SLCO6A1: variants seen among roughly 807,000 people sequenced by gnomAD.
SLCO6A1 encodes the protein solute carrier organic anion transporter family member 6A1.
A neutral mutation model predicts 72.7 loss-of-function variants in SLCO6A1; 65 were observed. The ratio of observed to expected loss-of-function variants is 0.89; its 90% CI spans 0.73 to 1.10. The LOEUF is 1.10. SLCO6A1 is among the 50% of genes least tolerant of loss of function. The pLI is 0.00. For missense variants in SLCO6A1, 874 were observed against 872.6 expected, an observed-to-expected ratio of 1.00 and a Z score of -0.02; for synonymous variants, 314 against 298.2, an observed-to-expected ratio of 1.05 and a Z score of -0.55.
chr5:102,469,208 G>A (rs1751471551), intron 4 of SLCO6A1, among the ~76,000 whole-genome samples: 2 of 151,926 alleles, frequency 1.3e-5, no homozygotes, highest in African/African-American at 4.8e-5. Context: ...GCAAGTCATT[G>A]GCAGCTTGAT....
intron 12 of SLCO6A1, among the ~76,000 whole-genome samples, chr5:102,385,580 T>A (rs1267071269): frequency 6.6e-6 from 1 of 152,174 alleles, no homozygotes; most frequent in East Asian, 1.9e-4. Flanking sequence ...CTGTTTGATC[T>A]ACTCTGCAGT....
At chr5:102,475,648 G>A (rs1351881093) in intron 4 of SLCO6A1, 49 bp downstream of exon 4, 1 of 1,208,022 alleles carries the variant, frequency 8.3e-7, no homozygotes. Flanking sequence ...TAGCTATTTA[G>A]TAAGTATTTT....
intron 8 of SLCO6A1, among the ~76,000 whole-genome samples, chr5:102,418,144 T>C (rs1399004110): frequency 6.6e-6 from 1 of 152,138 alleles, no homozygotes; most frequent in Non-Finnish European, 1.5e-5. Flanking sequence ...CATTTGTTTC[T>C]GATAAAAATA....
intron 1 of SLCO6A1, among the ~76,000 whole-genome samples, chr5:102,497,912 G>A (rs1752978903): frequency 6.6e-6 from 1 of 152,134 alleles, no homozygotes; most frequent in South Asian, 2.1e-4. Context: ...TGCTCCTGGG[G>A]AAAACATCAT....
intron 6 of SLCO6A1, among the ~76,000 whole-genome samples, chr5:102,448,666 T>A (rs1750249359): frequency 6.6e-6 from 1 of 152,184 alleles, no homozygotes; most frequent in Admixed American, 6.6e-5. Context: ...TTAAAGTTGG[T>A]TTCGTCTGAA....
At chr5:102,412,915 G>C (rs1454193537) in intron 9 of SLCO6A1, 75 bp downstream of exon 9, 6 of 613,134 alleles carry the variant, frequency 9.8e-6, no homozygotes, top group Non-Finnish European at 1.4e-5. Flanking sequence ...AGAGGAAGAA[G>C]CATAAAAATA....
intron 1 of SLCO6A1, among the ~76,000 whole-genome samples, chr5:102,488,623 GAGA>G (rs1310004400): frequency 6.6e-6 from 1 of 151,854 alleles, no homozygotes; most frequent in Non-Finnish European, 1.5e-5. Flanking sequence ...CAAGATTCAG[GAGA>G]AGAAGAAAAC....
In SLCO6A1 at chr5:102,498,645, C is replaced by A; in HGVS notation, c.200G>T (p.Arg67Met). The A allele has an allele frequency of 9.9e-6, 16 of 1,614,194 alleles. No homozygotes were observed. Among genetic ancestry groups the A allele is most frequent in the Non-Finnish European group, 1.4e-5 (16 of 1,180,032 alleles). The change falls in exon 1 of 14, where the codon AGG (arginine) becomes ATG (methionine). Residue 67 changes from arginine to methionine, a missense_variant. Coordinates refer to ENST00000506729, the MANE Select transcript of SLCO6A1 (RefSeq NM_173488.5). ...ALIRFGGFRK[R>M]KKAKSSVSKK... is the part of the protein sequence containing the mutation. Reference sequence around the variant, plus strand: ...GGAAACTGAGGACTTGGCTTTTTTCCTTTTTCGGAAACCGCCGAACCTTAT... The same window carrying A: ...GGAAACTGAGGACTTGGCTTTTTTCATTTTTCGGAAACCGCCGAACCTTAT...
At position 102,480,090 on chromosome 5, in the gene SLCO6A1, T is replaced by A. The variant is rs1048852171; in HGVS notation, c.616+87A>T. On this transcript the variant is annotated intron_variant, in intron 2 of 13. Transcript: ENST00000506729. The stretch of plus-strand genomic sequence containing the variant: ...ATGGATGGATAGATATACAGACAAA[T>A]AATTATCACAGTCTATTTTAAGTTC... The A allele has an allele frequency of 3.9e-6, 5 of 1,270,462 alleles. No homozygotes were observed. The Admixed American group carries it at 1.2e-4, about 30-fold the overall frequency. 78.7% of individuals were successfully genotyped at this position (1,270,462 alleles called of 1,614,324 possible).
intron 7 of SLCO6A1, among the ~76,000 whole-genome samples, chr5:102,428,696 G>T (rs909564928): frequency 1.3e-5 from 2 of 151,216 alleles, no homozygotes; most frequent in Admixed American, 6.6e-5. Flanking sequence ...TGTTCTCTTT[G>T]CATCTATAGG....
At chr5:102,442,662 G>C (rs1405412024) in intron 6 of SLCO6A1, among the ~76,000 whole-genome samples, 3 of 152,170 alleles carry the variant, frequency 2.0e-5, no homozygotes, top group African/African-American at 7.2e-5. Flanking sequence ...AGATTAAAAG[G>C]AACAGACGCT....
chr5:102,438,742 A>G lies in SLCO6A1; in HGVS notation c.1151T>C (p.Val384Ala). 1 of 1,547,404 alleles carries G rather than the reference A, an allele frequency of 6.5e-7. No homozygotes were observed. Among genetic ancestry groups the G allele is most frequent in the East Asian group, 2.3e-5 (1 of 42,774 alleles). ...TTTTGACAGAGCTAGGCATATGAGC[A>G]CTGGATTCTTCATCAGAATCTGAAA... ...AALWILMKNP[V>A]LICLALSKAT... Residue 384 changes from valine (V) to alanine (A), a missense_variant, in exon 7 of 14, where the codon GTG (valine) becomes GCG (alanine). Physicochemically the swap from Val to Ala is moderately conservative, Grantham distance 64 (BLOSUM62 0). Coordinates refer to ENST00000506729, the MANE Select transcript of SLCO6A1 (RefSeq NM_173488.5).
At chr5:102,471,425 C>T (rs557951659) in intron 4 of SLCO6A1, among the ~76,000 whole-genome samples, 42 of 152,170 alleles carry the variant, frequency 2.8e-4, no homozygotes, top group Middle Eastern at 6.8e-3. Context: ...TATCTTAGGG[C>T]CACTGTTTAG....
chr5:102,456,341 G>A (rs1328751635), intron 6 of SLCO6A1, among the ~76,000 whole-genome samples: 1 of 152,098 alleles, frequency 6.6e-6, no homozygotes, highest in Non-Finnish European at 1.5e-5. Flanking sequence ...TGACATGATT[G>A]TATATCTAGA....
chr5:102,382,376 T>C (rs1412687100), intron 12 of SLCO6A1, among the ~76,000 whole-genome samples: 1 of 151,834 alleles, frequency 6.6e-6, no homozygotes, highest in African/African-American at 2.4e-5. Flanking sequence ...CTGTTTTGGT[T>C]ACTATAGCTT....
chr5:102,483,490 T>G (rs1331790262), intron 1 of SLCO6A1, among the ~76,000 whole-genome samples: 1 of 151,986 alleles, frequency 6.6e-6, no homozygotes, highest in Non-Finnish European at 1.5e-5. Context: ...GAAGAGAGAG[T>G]GTTCCATATA....
chr5:102,388,706 A>C lies in SLCO6A1; in HGVS notation c.1999T>G (p.Phe667Val). 1 of 1,580,998 alleles carries C rather than the reference A, an allele frequency of 6.3e-7. No individual in the cohort carries two copies. Among genetic ancestry groups the C allele is most frequent in the Non-Finnish European group, 8.6e-7 (1 of 1,167,798 alleles). Residue 667 changes from phenylalanine to valine, a missense_variant, in exon 12 of 14, where the codon TTC becomes GTC. By Grantham distance (50) the Phe-to-Val change is conservative. Coordinates refer to ENST00000506729, the MANE Select transcript of SLCO6A1 (RefSeq NM_173488.5). ...CACTTACATATTCCTACCAATAAGA[A>C]AGCCATTTTTGTCTTGTTATATATC... ...CWIYNKTKMA[F>V]LLVGICFLCK...
At chr5:102,424,848 A>G (rs1336668781) in intron 7 of SLCO6A1, among the ~76,000 whole-genome samples, 1 of 152,182 alleles carries the variant, frequency 6.6e-6, no homozygotes. Context: ...ATTCCTGATG[A>G]ACAGTGTTGG....
intron 1 of SLCO6A1, among the ~76,000 whole-genome samples, chr5:102,496,891 C>T (rs1752933866): frequency 6.6e-6 from 1 of 152,188 alleles, no homozygotes; most frequent in Non-Finnish European, 1.5e-5. Flanking sequence ...CCCTATTCAA[C>T]AAATACTCTT....
Sources: gnomAD v4.1 joint callset for allele counts (sites outside exome capture counted in the v4.1 genomes callset) on GRCh38, gnomAD v4.1.1 for gene constraint, MANE v1.5 for transcripts, NCBI Gene and HGNC (gene_info 2026-07-23, HGNC 2026-07-21) for gene names.